The following PRR16 variants were observed in gnomAD, a reference collection of about 807,000 sequenced individuals.
The protein encoded by PRR16 is proline rich 16.
Under a neutral mutation model 18.2 loss-of-function variants are expected in PRR16, and 6 were observed. The ratio of observed to expected loss-of-function variants is 0.33; its 90% CI spans 0.18 to 0.65. PRR16 has a LOEUF of 0.65. Among genes scored for constraint, PRR16 ranks in the 30% least tolerant of loss-of-function variants. PRR16 has a pLI of 0.74. For synonymous variants in PRR16, 151 were observed against 147.8 expected (o/e 1.02, Z -0.16); for missense variants, 412 against 376.6 (o/e 1.09, Z -0.78).
At chr5:120,569,603 T>C (rs1487674726) in intron 1 of PRR16, among the ~76,000 whole-genome samples, 1 of 152,108 alleles carries the variant, frequency 6.6e-6, no homozygotes, top group Non-Finnish European at 1.5e-5. Context: ...AAGATGTCCA[T>C]TAAACAGAAG....
At chr5:120,610,196 T>G (rs527559306) in intron 1 of PRR16, among the ~76,000 whole-genome samples, 43 of 152,206 alleles carry the variant, frequency 2.8e-4, no homozygotes, top group South Asian at 1.5e-3. Flanking sequence ...AAATAACTGG[T>G]CCAAAATTAA....
rs562528135 is a variant in PRR16 at position 120,485,410 on chromosome 5, G to A, written c.159+20765G>A. Among the ~76,000 whole-genome samples the A allele has an allele frequency of 1.4e-3, 206 of 152,192 alleles. 2 individuals are homozygous for A. Among genetic ancestry groups the A allele is most frequent in the Middle Eastern group, 3.4e-3 (1 of 294 alleles). ...TATAAGTAATTAGGTATACTTTTCCGCACGTTTCTTAGACGCATTTTGGTT... is the reference window on the plus strand; with the variant it reads ...TATAAGTAATTAGGTATACTTTTCCACACGTTTCTTAGACGCATTTTGGTT... On this transcript the variant is annotated intron_variant, in intron 1 of 1. Coordinates refer to ENST00000407149, the MANE Select transcript of PRR16 (RefSeq NM_001300783.2).
Position 120,470,698 on chromosome 5 carries a change from G to A in PRR16, c.159+6053G>A, listed in dbSNP as rs533998768. On this transcript the variant is annotated intron_variant, in intron 1 of 1. Transcript: ENST00000407149. ...CTCTCTGCCAGGTACTCTTCTCAGC[G>A]CATTTATTTATATTAAATTATCTAA... is the stretch of plus-strand genomic sequence containing the variant. Among the ~76,000 whole-genome samples, 224 of 152,076 alleles carry A rather than the reference G, an allele frequency of 1.5e-3. 1 individual carries two copies. The highest frequency in any genetic ancestry group is 2.4e-3 in the Non-Finnish European group (164 of 67,990).
intron 1 of PRR16, among the ~76,000 whole-genome samples, chr5:120,473,355 G>A (rs1749331093): frequency 6.6e-6 from 1 of 152,110 alleles, no homozygotes. Flanking sequence ...GTGTTGCTCA[G>A]TAAGGTGGCA....
the PRR16 span, among the ~76,000 whole-genome samples, chr5:120,726,448 A>T: frequency 1.3e-5 from 2 of 152,004 alleles, no homozygotes; most frequent in South Asian, 2.1e-4. Context: ...TGATTTTTTT[A>T]AAATACAGAT....
intron 1 of PRR16, among the ~76,000 whole-genome samples, chr5:120,583,306 C>T (rs1753333637): frequency 7.6e-6 from 1 of 130,986 alleles, no homozygotes; most frequent in Non-Finnish European, 1.6e-5. Flanking sequence ...ATGGGTAATA[C>T]AAAATAATGT....
At chr5:120,495,800 A>G (rs1271273037) in intron 1 of PRR16, among the ~76,000 whole-genome samples, 2 of 151,966 alleles carry the variant, frequency 1.3e-5, no homozygotes, top group Admixed American at 1.3e-4. Context: ...TATGGCTTTT[A>G]TATCCTTTTC....
Position 120,485,260 on chromosome 5 carries a change from C to G in PRR16, c.159+20615C>G, listed in dbSNP as rs578123490. Among the ~76,000 whole-genome samples the G allele has an allele frequency of 2.6e-5, 4 of 152,140 alleles. No homozygotes were observed. The South Asian group carries it at 6.2e-4, about 24-fold the overall frequency. ...CCCTATGTTTTATATAATAATTGAG[C>G]TTTTGTAAATAATTGTGAAATGCTT... On this transcript the variant is annotated intron_variant, in intron 1 of 1. Coordinates refer to ENST00000407149, the MANE Select transcript of PRR16 (RefSeq NM_001300783.2).
At chr5:120,548,645 G>A (rs1466326676) in intron 1 of PRR16, among the ~76,000 whole-genome samples, 1 of 151,956 alleles carries the variant, frequency 6.6e-6, no homozygotes, top group African/African-American at 2.4e-5. Flanking sequence ...TTTTGTGCTT[G>A]TTCTTTTGTT....
intron 1 of PRR16, among the ~76,000 whole-genome samples, chr5:120,679,231 G>T (rs1001980875): frequency 6.6e-6 from 1 of 152,058 alleles, no homozygotes; most frequent in African/African-American, 2.4e-5. Flanking sequence ...TTGGACAAAT[G>T]ACTCAATTTC....
chr5:120,526,017 G>A (rs1429439898), intron 1 of PRR16, among the ~76,000 whole-genome samples: 1 of 152,122 alleles, frequency 6.6e-6, no homozygotes, highest in Non-Finnish European at 1.5e-5. Flanking sequence ...TTTTTGGCTG[G>A]GAAAGGGGCC....
At chr5:120,759,498 T>G in the PRR16 span, among the ~76,000 whole-genome samples, 3 of 152,068 alleles carry the variant, frequency 2.0e-5, no homozygotes, top group East Asian at 5.8e-4. Flanking sequence ...AGTAAAAATA[T>G]AAGTGGCTTC....
intron 1 of PRR16, among the ~76,000 whole-genome samples, chr5:120,672,540 A>G (rs563592520): frequency 1.3e-3 from 189 of 147,424 alleles, no homozygotes; most frequent in Middle Eastern, 3.6e-3. Flanking sequence ...ATAGATATAT[A>G]TGTGTGTGTG....
chr5:120,687,380 A>G (rs1757157032), downstream of PRR16: 2 of 152,212 alleles, frequency 1.3e-5, no homozygotes, highest in African/African-American at 4.8e-5. Flanking sequence ...CAATATGGGC[A>G]GCAAATCTGA....
intron 1 of PRR16, among the ~76,000 whole-genome samples, chr5:120,483,875 A>C (rs1246815833): frequency 6.6e-6 from 1 of 152,142 alleles, no homozygotes; most frequent in South Asian, 2.1e-4. Flanking sequence ...ACAAATTTGC[A>C]TGAAGATCAT....
chr5:120,468,351 A>G (rs901875418), intron 1 of PRR16, among the ~76,000 whole-genome samples: 2 of 152,194 alleles, frequency 1.3e-5, no homozygotes, highest in African/African-American at 4.8e-5. Flanking sequence ...GGAGAGTTAA[A>G]AAGGAAGATT....
chr5:120,765,355 G>C, the PRR16 span, among the ~76,000 whole-genome samples: 1 of 151,980 alleles, frequency 6.6e-6, no homozygotes, highest in Non-Finnish European at 1.5e-5. Flanking sequence ...TCTCTTACGT[G>C]TATAAATAAC....
rs1045110570 is a variant in PRR16, at chr5:120,464,384, G to C, written c.-103G>C. 3.0e-6 allele frequency: 4 copies of C among 1,334,166 alleles called. No individual in the cohort carries two copies. Among genetic ancestry groups the C allele is most frequent in the Non-Finnish European group, 4.0e-6 (4 of 1,003,288 alleles). 82.6% of individuals were successfully genotyped at this position (1,334,166 alleles called of 1,614,324 possible). On this transcript the variant is annotated 5_prime_UTR_variant, in exon 1 of 2. Coordinates refer to ENST00000407149, the MANE Select transcript of PRR16 (RefSeq NM_001300783.2). ...GCTGCCCAGGGAGCGCCCAAGATGTGGGGGGACCGGGGCGGCAGCGGCCGT... is the reference window on the plus strand; with the variant it reads ...GCTGCCCAGGGAGCGCCCAAGATGTCGGGGGACCGGGGCGGCAGCGGCCGT...
At chr5:120,617,203 C>A in intron 1 of PRR16, 1 of 981,548 alleles carries the variant, frequency 1.0e-6, no homozygotes, top group Non-Finnish European at 1.2e-6. Flanking sequence ...GTCAGCCCCA[C>A]CTTAACATGA....
Sources: gnomAD v4.1 joint callset for allele counts (sites outside exome capture counted in the v4.1 genomes callset) on GRCh38, gnomAD v4.1.1 for gene constraint, MANE v1.5 for transcripts, NCBI Gene and HGNC (gene_info 2026-07-23, HGNC 2026-07-21) for gene names.